Variants in KLF7 observed in about 807,000 individuals in gnomAD.
KLF7 encodes KLF transcription factor 7.
KLF7 carries 2 observed loss-of-function variants against 27.3 expected under a neutral mutation model. That is an observed-to-expected ratio of 0.07 (90% CI 0.03 to 0.23). The LOEUF (loss-of-function observed/expected upper bound fraction) is 0.23, where lower values mean the gene tolerates loss of function less well. Ranked by LOEUF, KLF7 falls within the 10% of genes least tolerant of loss-of-function variation. The pLI, the probability that KLF7 is intolerant of heterozygous loss-of-function variation, is 1.00. For missense variants in KLF7, 221 were observed against 394.1 expected (o/e 0.56, Z 3.72); for synonymous variants, 165 against 162.4 (o/e 1.02, Z -0.12).
At chr2:207,083,258 C>T (rs1451947681) in intron 3 of KLF7, among the ~76,000 whole-genome samples, 1 of 152,284 alleles carries the variant, frequency 6.6e-6, no homozygotes, top group Admixed American at 6.5e-5. Flanking sequence ...CCTGAGGGTA[C>T]AACTCAGTAT....
intron 3 of KLF7, among the ~76,000 whole-genome samples, chr2:207,081,710 A>G (rs7560686): frequency 0.024 from 3,678 of 152,278 alleles, 70 homozygotes; most frequent in South Asian, 0.038. Context: ...TAAATATAAT[A>G]AAGAATAATT....
intron 3 of KLF7, among the ~76,000 whole-genome samples, chr2:207,087,385 A>G (rs576616012): frequency 3.9e-5 from 6 of 152,308 alleles, no homozygotes; most frequent in African/African-American, 1.4e-4. Flanking sequence ...CAACGTGACC[A>G]GTCTGGACAC....
chr2:207,114,987 G>C (rs1050916087), intron 2 of KLF7, among the ~76,000 whole-genome samples: 1 of 152,128 alleles, frequency 6.6e-6, no homozygotes, highest in African/African-American at 2.4e-5. Flanking sequence ...TATAGTAATG[G>C]AAACGGATAC....
At position 207,165,622 on chromosome 2, in the gene KLF7, G is replaced by A. The variant is rs533836435; in HGVS notation, c.-54C>T. The A allele has an allele frequency of 5.6e-6, 9 of 1,610,322 alleles. No individual in the cohort carries two copies. The highest frequency in any genetic ancestry group is 7.6e-6 in the Non-Finnish European group (9 of 1,178,820). ...GAAACCCTCCCCCGAACACAGTTGGGGCTGTTTGTTTGTCAGTCTGTCTGG... is the reference window on the plus strand; with the variant it reads ...GAAACCCTCCCCCGAACACAGTTGGAGCTGTTTGTTTGTCAGTCTGTCTGG... On this transcript the variant is annotated 5_prime_UTR_variant, in exon 1 of 4. Transcript: ENST00000309446.
upstream of KLF7, chr2:207,166,832 G>A (rs527663157): frequency 2.0e-6 from 2 of 1,024,804 alleles, no homozygotes; most frequent in African/African-American, 1.7e-5. Context: ...GAGAAGAAGC[G>A]CCTGAGGAGG....
chr2:207,149,256 ACT>A (rs2078177267), intron 1 of KLF7: 3 of 804,796 alleles, frequency 3.7e-6, no homozygotes, highest in East Asian at 6.3e-5. Context: ...CAGCGCTGTC[ACT>A]CTCTCTCCAG....
intron 2 of KLF7, among the ~76,000 whole-genome samples, chr2:207,098,110 A>T (rs2076675274): frequency 6.6e-6 from 1 of 151,318 alleles, no homozygotes; most frequent in Non-Finnish European, 1.5e-5. Flanking sequence ...TATATTTATT[A>T]TTTTTTTTAA....
At chr2:207,149,899 A>T (rs898657246) in intron 1 of KLF7, among the ~76,000 whole-genome samples, 1 of 152,196 alleles carries the variant, frequency 6.6e-6, no homozygotes, top group Admixed American at 6.5e-5. Flanking sequence ...GCTTCCATGG[A>T]CGTAGACATA....
In KLF7 at chr2:207,094,817, G is replaced by A. The variant is rs544616316; in HGVS notation, c.734-6236C>T. Among the ~76,000 whole-genome samples, 9 of 151,962 alleles carry A rather than the reference G, an allele frequency of 5.9e-5. No individual in the cohort carries two copies. The East Asian group carries it at 7.7e-4, about 13-fold the overall frequency. ...AATATTTTTTTTCAAGGTTTTTTGC[G>A]TATCTGATTGATGGAAAATAAAAAT... On this transcript the variant is annotated intron_variant, in intron 2 of 3. Transcript: ENST00000309446.
intron 2 of KLF7, among the ~76,000 whole-genome samples, chr2:207,101,364 TA>T (rs2076761181): frequency 6.6e-6 from 1 of 152,206 alleles, no homozygotes. Context: ...TAGATGTGTG[TA>T]ATGTGGACAT....
At chr2:207,168,735 C>G (rs1434296721), upstream of KLF7, among the ~76,000 whole-genome samples, 3 of 152,168 alleles carry the variant, frequency 2.0e-5, no homozygotes, top group Non-Finnish European at 4.4e-5. Flanking sequence ...ATTTTAGATT[C>G]ATTTTAAGAG....
chr2:207,123,720 C>G (rs548604482), intron 2 of KLF7, 54 bp downstream of exon 2: 15 of 1,549,682 alleles, frequency 9.7e-6, no homozygotes, highest in African/African-American at 4.1e-5. Flanking sequence ...TCCCACATGA[C>G]GAGGCTACAG....
chr2:207,147,531 A>C (rs2078127394), intron 1 of KLF7, among the ~76,000 whole-genome samples: 1 of 152,126 alleles, frequency 6.6e-6, no homozygotes, highest in South Asian at 2.1e-4. Flanking sequence ...TACAGAAGAT[A>C]ATTGGCTTTT....
chr2:207,104,082 C>A (rs577836537), intron 2 of KLF7, among the ~76,000 whole-genome samples: 14 of 152,320 alleles, frequency 9.2e-5, no homozygotes, highest in Admixed American at 1.3e-4. Context: ...AACTCCTCAA[C>A]TTAAATGTGG....
Position 207,120,712 on chromosome 2 carries a change from A to C in KLF7, c.733+3062T>G, listed in dbSNP as rs542568562. Among the ~76,000 whole-genome samples, 17 of 152,334 alleles carry C rather than the reference A, an allele frequency of 1.1e-4. No individual in the cohort carries two copies. The South Asian group carries it at 3.5e-3, about 32-fold the overall frequency. On this transcript the variant is annotated intron_variant, in intron 2 of 3. Transcript: ENST00000309446. The stretch of plus-strand genomic sequence containing the variant: ...TTTGGTCAGCAGCTCTCCCAACTCC[A>C]GTCCTTGTATCAGCAGCCTCTTTCC...
intron 1 of KLF7, chr2:207,134,058 TAC>T: frequency 6.5e-7 from 1 of 1,534,314 alleles, no homozygotes; most frequent in Non-Finnish European, 8.7e-7. Flanking sequence ...TGGGCCCCTT[TAC>T]ACTCACTGGC....
At position 207,076,446 on chromosome 2, in the gene KLF7, A is replaced by G. The variant is rs2076178026; in HGVS notation, c.*4767T>C. On this transcript the variant is annotated 3_prime_UTR_variant, in exon 4 of 4. Coordinates refer to ENST00000309446, the MANE Select transcript of KLF7 (RefSeq NM_003709.4). Reference sequence around the variant, plus strand: ...TATGTTAAATGCAAAACACCTGAAAAATACAGTACTCTATTGGAAGGATGC... The same window carrying G: ...TATGTTAAATGCAAAACACCTGAAAGATACAGTACTCTATTGGAAGGATGC... 6.6e-6 allele frequency: 1 copy of G among 152,120 alleles called. No homozygotes were observed. Among genetic ancestry groups the G allele is most frequent in the African/African-American group, 2.4e-5 (1 of 41,424 alleles). The allele number at this position is 152,120 out of a possible 1,614,324, so 9.4% of individuals were successfully genotyped here.
At chr2:207,149,602 A>T (rs1337204626) in intron 1 of KLF7, among the ~76,000 whole-genome samples, 1 of 152,216 alleles carries the variant, frequency 6.6e-6, no homozygotes, top group African/African-American at 2.4e-5. Context: ...CCAGTACTCT[A>T]GGTAAGGCAG....
chr2:207,137,145 G>A (rs898587097), intron 1 of KLF7, among the ~76,000 whole-genome samples: 28 of 151,890 alleles, frequency 1.8e-4, no homozygotes, highest in Non-Finnish European at 3.5e-4. Flanking sequence ...AGATCAAAGA[G>A]ACAGGCTCAG....
Sources: allele counts gnomAD v4.1 joint callset (sites outside exome capture counted in the v4.1 genomes callset), GRCh38; gene constraint gnomAD v4.1.1; transcripts MANE v1.5; gene names NCBI Gene and HGNC (gene_info 2026-07-23, HGNC 2026-07-21).